Variants in LYSMD2 observed in about 807,000 individuals in gnomAD.
The protein encoded by LYSMD2 is LysM domain containing 2.
LYSMD2 carries 6 observed loss-of-function variants against 17.7 expected under a neutral mutation model. The ratio of observed to expected loss-of-function variants is 0.34; its 90% CI spans 0.19 to 0.67. The LOEUF is 0.67. LYSMD2 is among the 30% of genes least tolerant of loss of function. LYSMD2 has a pLI of 0.69. For missense variants in LYSMD2, 237 were observed against 286.7 expected, an observed-to-expected ratio of 0.83 and a Z score of 1.25; for synonymous variants, 102 against 129.8, an observed-to-expected ratio of 0.79 and a Z score of 1.45.
chr15:51,732,238 G>T (rs1426549406), intron 1 of LYSMD2, among the ~76,000 whole-genome samples: 1 of 152,050 alleles, frequency 6.6e-6, no homozygotes, highest in African/African-American at 2.4e-5. Context: ...TGACTTCCAG[G>T]GTCCGCTCAG....
chr15:51,724,817 G>A lies in LYSMD2; in HGVS notation c.578C>T (p.Ala193Val), dbSNP rs759920505. 6.2e-7 allele frequency: 1 copy of A among 1,613,626 alleles called. No individual in the cohort carries two copies. Among genetic ancestry groups the A allele is most frequent in the African/African-American group, 1.3e-5 (1 of 75,008 alleles). The change falls in exon 2 of 3, where the codon GCA (alanine) becomes GTA (valine). Residue 193 changes from alanine (A) to valine (V), a missense_variant. Coordinates refer to ENST00000267838, the MANE Select transcript of LYSMD2 (RefSeq NM_153374.3). ...GCTCTCTTCTTTTAGCTTCTTGGCTGCCTGTGTTGATAACTTAATCTGCAA... is the reference window on the plus strand; with the variant it reads ...GCTCTCTTCTTTTAGCTTCTTGGCTACCTGTGTTGATAACTTAATCTGCAA... The part of the protein sequence containing the change: ...LDLQIKLSTQ[A>V]AKKLKEESRD...
chr15:51,743,373 G>C (rs1363488353), intron 1 of LYSMD2, among the ~76,000 whole-genome samples: 1 of 152,166 alleles, frequency 6.6e-6, no homozygotes, highest in Non-Finnish European at 1.5e-5. Flanking sequence ...AGCAACATTT[G>C]CTGAAAAGAC....
At chr15:51,741,241 A>G (rs1279661653), upstream of LYSMD2, among the ~76,000 whole-genome samples, 1 of 152,256 alleles carries the variant, frequency 6.6e-6, no homozygotes, top group Non-Finnish European at 1.5e-5. Flanking sequence ...ATATTGGATA[A>G]CTTAATCTAT....
chr15:51,723,735 T>G, intron 2 of LYSMD2, 86 bp from the exon 3 acceptor site: 1 of 997,480 alleles, frequency 1.0e-6, no homozygotes, highest in Non-Finnish European at 1.5e-6. Context: ...AATATCCACT[T>G]GCCAAAGAAG....
chr15:51,734,966 G>T (rs1240147882), intron 1 of LYSMD2, among the ~76,000 whole-genome samples: 1 of 152,112 alleles, frequency 6.6e-6, no homozygotes, highest in South Asian at 2.1e-4. Flanking sequence ...CTTGAGCCCA[G>T]GAGTTCCAGA....
At chr15:51,723,971 CA>C (rs1274013841) in intron 2 of LYSMD2, among the ~76,000 whole-genome samples, 1 of 151,126 alleles carries the variant, frequency 6.6e-6, no homozygotes, top group African/African-American at 2.4e-5. Context: ...ACCTCTTTCC[CA>C]AAAGGATTTA....
rs2055587152 is a variant in LYSMD2, at chr15:51,733,189, A to G, written c.273+4161T>C. Among the ~76,000 whole-genome samples the G allele has an allele frequency of 2.0e-5, 3 of 151,952 alleles. No homozygotes were observed. The South Asian group carries it at 6.2e-4, about 32-fold the overall frequency. The stretch of plus-strand genomic sequence containing the variant: ...GGAATGTTCTTCACCAGATATCTGC[A>G]CAGCTCCCTCCCTTACCTCCTTCTC... On this transcript the variant is annotated intron_variant, in intron 1 of 2. Transcript: ENST00000267838.
chr15:51,744,926 A>C (rs1200603228), intron 1 of LYSMD2, among the ~76,000 whole-genome samples: 1 of 152,156 alleles, frequency 6.6e-6, no homozygotes, highest in Non-Finnish European at 1.5e-5. Context: ...AGAAATAAAA[A>C]AGGGGATATT....
intron 1 of LYSMD2, among the ~76,000 whole-genome samples, chr15:51,736,459 C>T (rs900129696): frequency 6.6e-6 from 1 of 152,166 alleles, no homozygotes; most frequent in African/African-American, 2.4e-5. Flanking sequence ...AATACATTCT[C>T]CTTCATACTG....
upstream of LYSMD2, chr15:51,737,884 T>G: frequency 1.6e-5 from 4 of 250,644 alleles, no homozygotes; most frequent in Non-Finnish European, 1.5e-5. This position sits in a 1 kb window ranked among gnomAD's most constrained non-coding sequence, Gnocchi z 4.2. Flanking sequence ...GGCCTGCCGG[T>G]ACCGGGAAGA....
At chr15:51,749,810 C>G (rs1351949726) in intron 1 of LYSMD2, among the ~76,000 whole-genome samples, 1 of 152,168 alleles carries the variant, frequency 6.6e-6, no homozygotes, top group Admixed American at 6.5e-5. Flanking sequence ...ACAGGACATT[C>G]GGAATAACAA....
At chr15:51,728,867 C>T (rs2055558014) in intron 1 of LYSMD2, among the ~76,000 whole-genome samples, 1 of 120,508 alleles carries the variant, frequency 8.3e-6, no homozygotes, top group South Asian at 2.5e-4. Flanking sequence ...GAGACTCCAT[C>T]TCAAAAAAAA....
rs757554087 is a variant in LYSMD2 at position 51,723,574 on chromosome 15, T to C, written c.*33A>G. The C allele has an allele frequency of 6.4e-6, 10 of 1,550,590 alleles. No homozygotes were observed. Among genetic ancestry groups the C allele is most frequent in the Non-Finnish European group, 8.9e-6 (10 of 1,123,238 alleles). On this transcript the variant is annotated 3_prime_UTR_variant, in exon 3 of 3. Coordinates refer to ENST00000267838, the MANE Select transcript of LYSMD2 (RefSeq NM_153374.3). ...GGATTCTTTATGGTCCAAACATATC[T>C]TAATTTTGGTTAGAGTTATGCCCCC...
chr15:51,731,109 A>G (rs2055573937), intron 1 of LYSMD2, among the ~76,000 whole-genome samples: 2 of 152,224 alleles, frequency 1.3e-5, no homozygotes, highest in Non-Finnish European at 2.9e-5. Flanking sequence ...ATGGATGGGC[A>G]TGGGGATCTT....
At chr15:51,738,273 G>C (rs147476879), upstream of LYSMD2, 3 of 152,224 alleles carry the variant, frequency 2.0e-5, no homozygotes, top group African/African-American at 7.2e-5. Context: ...AGGAGGGATA[G>C]TGCTTCTAAG....
Position 51,737,539 on chromosome 15 carries a change from G to A in LYSMD2, c.84C>T (p.Arg28=). The change falls in exon 1 of 3, where the codon CGC becomes CGT. Residue 28 remains arginine, a synonymous_variant. Coordinates refer to ENST00000267838, the MANE Select transcript of LYSMD2 (RefSeq NM_153374.3). This position sits in a 1 kb window ranked among gnomAD's most constrained non-coding sequence, Gnocchi z 4.2. ...CCTCGGACTCGGAGCCGGAGCGCGA[G>A]CGCGGCGGCGGCGAGGGGGCCGAGG... ...PRPSAPSPPP[R]SRSGSESEEA... 1.6e-6 allele frequency: 2 copies of A among 1,235,178 alleles called. No homozygotes were observed. The allele number at this position is 1,235,178 out of a possible 1,614,324, so 76.5% of individuals were successfully genotyped here.
rs181575200 is a variant in LYSMD2 at position 51,737,109 on chromosome 15, G to C, written c.273+241C>G. On this transcript the variant is annotated intron_variant, in intron 1 of 2. Coordinates refer to ENST00000267838, the MANE Select transcript of LYSMD2 (RefSeq NM_153374.3). This position sits in a 1 kb window ranked among gnomAD's most constrained non-coding sequence, Gnocchi z 4.2. ...AACTCGATGCAGCTACCTAGGGAGG[G>C]AGCCCTGGCGGTCCGCCCCTCCCGC... Among the ~76,000 whole-genome samples the C allele has an allele frequency of 1.3e-5, 2 of 152,196 alleles. No homozygotes were observed. The highest frequency in any genetic ancestry group is 2.9e-5 in the Non-Finnish European group (2 of 68,026).
upstream of LYSMD2, chr15:51,737,905 C>T: frequency 4.3e-6 from 1 of 235,048 alleles, no homozygotes; most frequent in Non-Finnish European, 8.2e-6. The surrounding 1 kb of genome is among the most constrained non-coding windows in gnomAD (Gnocchi z 4.2). Flanking sequence ...CCCTGCAGAG[C>T]GAGGGAGCCG....
At position 51,724,836 on chromosome 15, in the gene LYSMD2, T is replaced by C. The variant is rs768050973; in HGVS notation, c.559A>G (p.Ile187Val). The change falls in exon 2 of 3, where the codon ATT becomes GTT. Residue 187 changes from isoleucine to valine, a missense_variant. By Grantham distance (29) the Ile-to-Val change is conservative (BLOSUM62 3). Transcript: ENST00000267838. ...TTGGCTGCCTGTGTTGATAACTTAA[T>C]CTGCAAGTCAAGTCTCTGCAGGAAA... is the stretch of plus-strand genomic sequence containing the variant. ...RDFLQRLDLQ[I>V]KLSTQAAKKL... is the part of the protein sequence containing the mutation. 6.2e-7 allele frequency: 1 copy of C among 1,614,066 alleles called. No homozygotes were observed. Among genetic ancestry groups the C allele is most frequent in the Non-Finnish European group, 8.5e-7 (1 of 1,179,964 alleles).
Sources: allele counts gnomAD v4.1 joint callset (sites outside exome capture counted in the v4.1 genomes callset), GRCh38; gene constraint gnomAD v4.1.1; non-coding constraint Gnocchi (gnomAD v3.1); transcripts MANE v1.5; gene names NCBI Gene and HGNC (gene_info 2026-07-23, HGNC 2026-07-21).